The following QTGAL variants were observed in gnomAD, a reference collection of about 807,000 sequenced individuals.
The protein encoded by QTGAL is BGnT-like protein 1.
At chr17:83,027,093 GAC>G in the QTGAL span, among the ~76,000 whole-genome samples, 2 of 144,434 alleles carry the variant, frequency 1.4e-5, no homozygotes, top group African/African-American at 2.6e-5. Flanking sequence ...ACCCTCGACA[GAC>G]ACACAGAGCA....
chr17:83,000,160 A>C, the QTGAL span, among the ~76,000 whole-genome samples: 1 of 151,964 alleles, frequency 6.6e-6, no homozygotes, highest in Non-Finnish European at 1.5e-5. Context: ...ACGGGGTTTC[A>C]CCATCTTGGC....
At chr17:83,038,134 A>G in the QTGAL span, among the ~76,000 whole-genome samples, 8 of 152,364 alleles carry the variant, frequency 5.3e-5, no homozygotes, top group Middle Eastern at 3.4e-3. Context: ...TTCTGAAAAG[A>G]GACACTTTGG....
At chr17:83,009,938 T>G in the QTGAL span, among the ~76,000 whole-genome samples, 2 of 81,476 alleles carry the variant, frequency 2.5e-5, no homozygotes, top group East Asian at 4.1e-4. Flanking sequence ...TCCACTGCTG[T>G]GGGGGAGGGG....
chr17:83,049,877 C>G, the QTGAL span, among the ~76,000 whole-genome samples: 5 of 152,140 alleles, frequency 3.3e-5, no homozygotes, highest in African/African-American at 1.2e-4. Flanking sequence ...AACAAAACAA[C>G]TGATTACAGG....
At chr17:82,965,638 CT>C in the QTGAL span, 1 of 1,594,796 alleles carries the variant, frequency 6.3e-7, no homozygotes, top group Non-Finnish European at 8.5e-7. Context: ...TGATTCCCGC[CT>C]TCGGCCCTTA....
chr17:83,031,499 C>T, the QTGAL span, among the ~76,000 whole-genome samples: 2 of 152,152 alleles, frequency 1.3e-5, no homozygotes, highest in African/African-American at 2.4e-5. Flanking sequence ...ACGGGTCCCT[C>T]GCAGGACTGG....
the QTGAL span, among the ~76,000 whole-genome samples, chr17:83,018,452 CACAT>C: frequency 0.012 from 1,833 of 152,288 alleles, 23 homozygotes; most frequent in Non-Finnish European, 0.019. Context: ...ATAAAACACA[CACAT>C]ACACTTTTTT....
chr17:82,963,318 T>C, the QTGAL span, among the ~76,000 whole-genome samples: 1 of 151,978 alleles, frequency 6.6e-6, no homozygotes, highest in African/African-American at 2.4e-5. Context: ...CACCCGCCCT[T>C]CTCTAGAGCC....
At chr17:83,047,444 TCAATCCTTATCAAAGAAAAAG>T in the QTGAL span, among the ~76,000 whole-genome samples, 1 of 150,124 alleles carries the variant, frequency 6.7e-6, no homozygotes, top group Non-Finnish European at 1.5e-5. Flanking sequence ...AGGTCTATAA[TCAATCCTTATCAAAGAAAAAG>T]AAATTTAGGT....
the QTGAL span, chr17:83,034,947 T>G: frequency 1.7e-6 from 2 of 1,146,104 alleles, no homozygotes; most frequent in Non-Finnish European, 2.5e-6. Context: ...AAAATGATTT[T>G]CAAGAACCGC....
chr17:83,049,428 T>TC, the QTGAL span, among the ~76,000 whole-genome samples: 1 of 149,526 alleles, frequency 6.7e-6, no homozygotes, highest in Admixed American at 6.7e-5. Flanking sequence ...TTTTTTTTTT[T>TC]CTGAGATGGA....
At chr17:83,000,533 G>A in the QTGAL span, among the ~76,000 whole-genome samples, 7 of 152,212 alleles carry the variant, frequency 4.6e-5, no homozygotes, top group African/African-American at 7.2e-5. Context: ...TGCATGTTAA[G>A]TTTTGATAAA....
chr17:82,957,611 C>G, the QTGAL span: 2 of 1,357,248 alleles, frequency 1.5e-6, no homozygotes, highest in Non-Finnish European at 2.0e-6. Flanking sequence ...GGACACCTGG[C>G]CCAATGCCTA....
chr17:82,997,131 AT>A, the QTGAL span, among the ~76,000 whole-genome samples: 1 of 152,170 alleles, frequency 6.6e-6, no homozygotes, highest in African/African-American at 2.4e-5. Flanking sequence ...GGGAGAAAAT[AT>A]TTGTAAATTA....
At chr17:83,005,837 C>T in the QTGAL span, 1 of 1,319,134 alleles carries the variant, frequency 7.6e-7, no homozygotes, top group Non-Finnish European at 1.0e-6. This position sits in a 1 kb window ranked among gnomAD's most constrained non-coding sequence, Gnocchi z 5.6. Flanking sequence ...CAGCCTTTCT[C>T]AACCCTTCCC....
At chr17:83,028,441 G>A in the QTGAL span, among the ~76,000 whole-genome samples, 11 of 148,938 alleles carry the variant, frequency 7.4e-5, no homozygotes, top group African/African-American at 2.2e-4. Context: ...GGAGAATGGC[G>A]TGAACCCCAG....
the QTGAL span, among the ~76,000 whole-genome samples, chr17:83,030,567 C>T: frequency 6.6e-6 from 1 of 152,204 alleles, no homozygotes; most frequent in Non-Finnish European, 1.5e-5. Flanking sequence ...CCTGTCCCCT[C>T]GGTTCAAGGA....
At chr17:83,013,523 G>A in the QTGAL span, among the ~76,000 whole-genome samples, 13 of 136,186 alleles carry the variant, frequency 9.5e-5, no homozygotes, top group Non-Finnish European at 1.7e-4. Flanking sequence ...CCCCCTGCCC[G>A]ACCCCCCACA....
the QTGAL span, among the ~76,000 whole-genome samples, chr17:83,008,429 A>T: frequency 6.6e-6 from 1 of 152,208 alleles, no homozygotes; most frequent in Non-Finnish European, 1.5e-5. Flanking sequence ...TTCCACCGAA[A>T]AAAAGAGTCA....
Sources: gnomAD v4.1 joint callset for allele counts (sites outside exome capture counted in the v4.1 genomes callset) on GRCh38, gnomAD v4.1.1 for gene constraint, Gnocchi (gnomAD v3.1) non-coding constraint, MANE v1.5 for transcripts, NCBI Gene and HGNC (gene_info 2026-07-23, HGNC 2026-07-21) for gene names.